Variants in CCNY observed in about 807,000 individuals in gnomAD.
The protein encoded by CCNY is cyclin Y, also known as cyclin-Y.
A neutral mutation model predicts 42.8 loss-of-function variants in CCNY; 19 were observed. The observed-to-expected ratio is 0.44, with a 90% CI of 0.31 to 0.65. The LOEUF (loss-of-function observed/expected upper bound fraction) is 0.65, where lower values mean the gene tolerates loss of function less well. CCNY is among the 30% of genes least tolerant of loss of function. CCNY has a pLI of 0.07. For missense variants in CCNY, 370 were observed against 437.3 expected, an observed-to-expected ratio of 0.85 and a Z score of 1.37; for synonymous variants, 165 against 162.7, an observed-to-expected ratio of 1.01 and a Z score of -0.11.
chr10:35,566,851 G>A (rs189153488), intron 9 of CCNY, among the ~76,000 whole-genome samples: 4 of 151,740 alleles, frequency 2.6e-5, no homozygotes, highest in Non-Finnish European at 5.9e-5. Context: ...GACTACAGGT[G>A]TGCACCACCA....
At chr10:35,548,310 A>ATT (rs1589197599) in intron 7 of CCNY, among the ~76,000 whole-genome samples, 1 of 148,112 alleles carries the variant, frequency 6.8e-6, no homozygotes, top group East Asian at 2.0e-4. Context: ...ATATATATAT[A>ATT]TTTTATGAGA....
rs1841153251 is a variant in CCNY at position 35,548,027 on chromosome 10, C to T, written c.580-4992C>T. 2.6e-5 allele frequency among the ~76,000 whole-genome samples: 4 copies of T among 151,994 alleles called. No homozygotes were observed. In the South Asian group the frequency reaches 8.3e-4, roughly 32 times the overall value. On this transcript the variant is annotated intron_variant, in intron 7 of 9. Coordinates refer to ENST00000374704, the MANE Select transcript of CCNY (RefSeq NM_145012.6). ...CTTTGGGATTTGAAACATGTTACTCCACTTGACCCATGAACAACTCCAGGG... is the reference window on the plus strand; with the variant it reads ...CTTTGGGATTTGAAACATGTTACTCTACTTGACCCATGAACAACTCCAGGG...
At chr10:35,341,011 G>A (rs1214335124) in intron 1 of CCNY, among the ~76,000 whole-genome samples, 7 of 152,104 alleles carry the variant, frequency 4.6e-5, no homozygotes, top group African/African-American at 1.4e-4. Context: ...TTCCACCCTT[G>A]CCTGCTCCAG....
intron 1 of CCNY, among the ~76,000 whole-genome samples, chr10:35,413,056 C>T (rs1485563132): frequency 6.6e-6 from 1 of 151,736 alleles, no homozygotes; most frequent in African/African-American, 2.4e-5. Context: ...TGAGTTTAGT[C>T]TTTTGGTATT....
At chr10:35,419,661 T>C (rs1039402336) in intron 1 of CCNY, among the ~76,000 whole-genome samples, 1 of 152,156 alleles carries the variant, frequency 6.6e-6, no homozygotes, top group African/African-American at 2.4e-5. Context: ...CTCATTTTAG[T>C]TGCATATCAA....
At chr10:35,368,147 C>A (rs911901245) in intron 1 of CCNY, among the ~76,000 whole-genome samples, 1 of 152,220 alleles carries the variant, frequency 6.6e-6, no homozygotes, top group African/African-American at 2.4e-5. Flanking sequence ...TTTGGGAAAT[C>A]AGCTTTGTAG....
intron 3 of CCNY, among the ~76,000 whole-genome samples, chr10:35,288,130 A>G (rs1002332795): frequency 6.6e-6 from 1 of 152,208 alleles, no homozygotes; most frequent in Non-Finnish European, 1.5e-5. Flanking sequence ...TGGTATAGGC[A>G]GGCTTAAAAT....
At chr10:35,459,611 G>A (rs1839113509) in intron 1 of CCNY, among the ~76,000 whole-genome samples, 2 of 152,104 alleles carry the variant, frequency 1.3e-5, no homozygotes, top group African/African-American at 4.8e-5. Flanking sequence ...CTGTCTTATA[G>A]GGGTATAAAC....
intron 3 of CCNY, among the ~76,000 whole-genome samples, chr10:35,274,235 C>T (rs2135046498): frequency 6.6e-6 from 1 of 152,268 alleles, no homozygotes; most frequent in South Asian, 2.1e-4. Context: ...CCCTTTAAAA[C>T]CATCAGACCT....
intron 8 of CCNY, among the ~76,000 whole-genome samples, chr10:35,559,775 G>T (rs1420538433): frequency 5.9e-5 from 9 of 152,358 alleles, no homozygotes; most frequent in Admixed American, 5.2e-4. Flanking sequence ...TGGTACCGAG[G>T]CCAGCAGGTC....
chr10:35,295,108 T>C (rs1472385422), intron 3 of CCNY, among the ~76,000 whole-genome samples: 3 of 151,842 alleles, frequency 2.0e-5, no homozygotes, highest in Non-Finnish European at 4.4e-5. Context: ...TGAGCTGAGA[T>C]TGCACCACTG....
intron 3 of CCNY, among the ~76,000 whole-genome samples, chr10:35,323,485 A>G (rs115639801): frequency 0.011 from 1,679 of 152,118 alleles, 42 homozygotes; most frequent in African/African-American, 0.039. Flanking sequence ...CATGCAACAT[A>G]GACAAGTCTA....
At chr10:35,537,968 T>C (rs547652765) in intron 7 of CCNY, among the ~76,000 whole-genome samples, 40 of 152,292 alleles carry the variant, frequency 2.6e-4, no homozygotes, top group African/African-American at 8.9e-4. Flanking sequence ...GTATCTCCCA[T>C]AATTCCCCTT....
intron 3 of CCNY, among the ~76,000 whole-genome samples, chr10:35,303,426 C>T (rs1239216837): frequency 6.6e-6 from 1 of 151,064 alleles, no homozygotes; most frequent in African/African-American, 2.4e-5. Context: ...GTGATCCTCC[C>T]GCCTCAGCCT....
At position 35,535,114 on chromosome 10, in the gene CCNY, CAA is replaced by C. The variant is rs1840857937; in HGVS notation, c.579+4873_579+4874del. ...AGGAGGATGAACGTGAGAATAAAGACAAAGACAAAAGAATGTATTTGGAAGAA... is the reference window on the plus strand; with the variant it reads ...AGGAGGATGAACGTGAGAATAAAGACAGACAAAAGAATGTATTTGGAAGAA... On this transcript the variant is annotated intron_variant, in intron 7 of 9. Coordinates refer to ENST00000374704, the MANE Select transcript of CCNY (RefSeq NM_145012.6). 2.6e-5 allele frequency among the ~76,000 whole-genome samples: 4 copies of C among 151,176 alleles called. No individual in the cohort carries two copies. The South Asian group carries it at 8.4e-4, about 32-fold the overall frequency.
At chr10:35,434,705 A>G (rs1243717208) in intron 1 of CCNY, among the ~76,000 whole-genome samples, 5 of 152,254 alleles carry the variant, frequency 3.3e-5, no homozygotes, top group Non-Finnish European at 7.4e-5. Flanking sequence ...ATAAGTAGGT[A>G]TTTTCAGAAT....
At chr10:35,486,710 C>A (rs1839795498) in intron 2 of CCNY, among the ~76,000 whole-genome samples, 1 of 152,246 alleles carries the variant, frequency 6.6e-6, no homozygotes, top group Non-Finnish European at 1.5e-5. Flanking sequence ...CCTCTGCCTT[C>A]CTTCCCAGCC....
rs189844099 is a variant in CCNY at position 35,497,382 on chromosome 10, T to C, written c.230-4119T>C. ...AGCCTCAGTGGTTTCAAATTTATTT[T>C]AAAGACAGATTTAGATTTGGGCAAT... On this transcript the variant is annotated intron_variant, in intron 2 of 9. Transcript: ENST00000374704. Among the ~76,000 whole-genome samples, 290 of 152,358 alleles carry C rather than the reference T, an allele frequency of 1.9e-3. 1 individual carries two copies. The highest frequency in any genetic ancestry group is 3.0e-3 in the Non-Finnish European group (201 of 68,026).
chr10:35,307,790 GTGTGTGTGTGTA>G (rs1220576259), intron 3 of CCNY, among the ~76,000 whole-genome samples: 12 of 80,248 alleles, frequency 1.5e-4, no homozygotes, highest in African/African-American at 6.1e-4. Flanking sequence ...GTGTGTGTGT[GTGTGTGTGTGTA>G]TATATATATA....
Sources: gnomAD v4.1 joint callset for allele counts (sites outside exome capture counted in the v4.1 genomes callset) on GRCh38, gnomAD v4.1.1 for gene constraint, MANE v1.5 for transcripts, NCBI Gene and HGNC (gene_info 2026-07-23, HGNC 2026-07-21) for gene names.